Variants in DCP1B observed in about 807,000 individuals in gnomAD.
DCP1B encodes mRNA-decapping enzyme 1B.
Under a neutral mutation model 60.5 loss-of-function variants are expected in DCP1B, and 47 were observed. The observed-to-expected ratio is 0.78, with a 90% CI of 0.61 to 0.99. DCP1B has a LOEUF of 0.99. Among genes scored for constraint, DCP1B ranks in the 50% least tolerant of loss-of-function variants. The pLI is 0.00. For synonymous variants in DCP1B, 267 were observed against 280.3 expected, an observed-to-expected ratio of 0.95 and a Z score of 0.47; for missense variants, 725 against 756.8, an observed-to-expected ratio of 0.96 and a Z score of 0.49.
downstream of DCP1B, among the ~76,000 whole-genome samples, chr12:1,943,910 A>G (rs7298214): frequency 0.52 from 78,355 of 152,044 alleles, 20,508 homozygotes; most frequent in East Asian, 0.79. Flanking sequence ...CAATACTCCT[A>G]TTCAACATAG....
chr12:1,980,911 T>A (rs1184821638), intron 3 of DCP1B, among the ~76,000 whole-genome samples: 1 of 151,882 alleles, frequency 6.6e-6, no homozygotes, highest in African/African-American at 2.4e-5. Context: ...AATCACAATA[T>A]CTCAATAAGC....
intron 3 of DCP1B, among the ~76,000 whole-genome samples, chr12:1,987,260 T>C (rs1428566762): frequency 6.6e-6 from 1 of 152,208 alleles, no homozygotes; most frequent in Admixed American, 6.5e-5. Flanking sequence ...CTACATATGC[T>C]AGTGCTGTAT....
chr12:1,952,408 A>G lies in DCP1B; in HGVS notation c.1524+8T>C, dbSNP rs371611304. On this transcript the variant is annotated splice_region_variant and intron_variant, in intron 7 of 8. Coordinates refer to ENST00000280665, the MANE Select transcript of DCP1B (RefSeq NM_152640.5). ...GGCTGTTTTATTTTGCCCCTGGTAC[A>G]TATTTACCTGGAAAAGAGGAGTCTG... 108 of 1,557,614 alleles carry G rather than the reference A, an allele frequency of 6.9e-5. No homozygotes were observed. The highest frequency in any genetic ancestry group is 9.3e-5 in the Non-Finnish European group (107 of 1,150,528).
intron 3 of DCP1B, chr12:1,991,862 T>G (rs1381141222): frequency 6.3e-6 from 1 of 159,062 alleles, no homozygotes; most frequent in Non-Finnish European, 1.4e-5. Context: ...TACCTATAAC[T>G]GATCAGACCA....
intron 3 of DCP1B, among the ~76,000 whole-genome samples, chr12:1,979,559 G>A (rs1592982102): frequency 6.6e-6 from 1 of 152,214 alleles, no homozygotes; most frequent in Non-Finnish European, 1.5e-5. Flanking sequence ...TGATCCGCCC[G>A]CCTCAGCCTC....
chr12:1,993,159 TAGCCACTGATACCAAATGCAAAC>T, intron 3 of DCP1B, 82 bp downstream of exon 3: 1 of 1,467,110 alleles, frequency 6.8e-7, no homozygotes, highest in Non-Finnish European at 9.6e-7. Flanking sequence ...ACACCCCCCA[TAGCCACTGATACCAAATGCAAAC>T]ACAATGGCAA....
intron 5 of DCP1B, among the ~76,000 whole-genome samples, chr12:1,958,217 T>C (rs2030967119): frequency 7.0e-6 from 1 of 142,980 alleles, no homozygotes; most frequent in Non-Finnish European, 1.5e-5. Flanking sequence ...GCAATGACTT[T>C]TTCTATAAAC....
At chr12:1,982,712 A>G (rs1005288574) in intron 3 of DCP1B, among the ~76,000 whole-genome samples, 5 of 152,092 alleles carry the variant, frequency 3.3e-5, no homozygotes, top group African/African-American at 1.2e-4. Flanking sequence ...GGATTTTTAT[A>G]CCTATATTCA....
intron 1 of DCP1B, among the ~76,000 whole-genome samples, chr12:2,002,938 C>A (rs1233483708): frequency 6.6e-6 from 1 of 152,068 alleles, no homozygotes; most frequent in Non-Finnish European, 1.5e-5. Context: ...AAGTAGGTGA[C>A]AAATTCCCCT....
chr12:1,981,547 G>A (rs2036134994), intron 3 of DCP1B, among the ~76,000 whole-genome samples: 1 of 152,152 alleles, frequency 6.6e-6, no homozygotes, highest in Admixed American at 6.5e-5. Context: ...TTCTAGCTCA[G>A]ATTTAGCATG....
At chr12:1,974,496 C>T (rs112855968) in intron 3 of DCP1B, among the ~76,000 whole-genome samples, 4,136 of 152,268 alleles carry the variant, frequency 0.027, 94 homozygotes, top group Middle Eastern at 0.054. Flanking sequence ...TGTGTATTTA[C>T]TATTACAACT....
chr12:1,992,205 G>A (rs1178427447), intron 3 of DCP1B: 1 of 159,438 alleles, frequency 6.3e-6, no homozygotes, highest in Non-Finnish European at 1.4e-5. Flanking sequence ...CCTGCCATTA[G>A]TAAGTCATAT....
At chr12:1,947,788 T>C (rs1319744019) in intron 8 of DCP1B, among the ~76,000 whole-genome samples, 3 of 152,186 alleles carry the variant, frequency 2.0e-5, no homozygotes, top group Non-Finnish European at 4.4e-5. Context: ...CTGATTGTTA[T>C]TATGCTTCTG....
intron 5 of DCP1B, among the ~76,000 whole-genome samples, chr12:1,965,198 A>T (rs1231301492): frequency 6.6e-6 from 1 of 151,910 alleles, no homozygotes; most frequent in African/African-American, 2.4e-5. Flanking sequence ...GGTTTTGCCC[A>T]TTTCTCGTGA....
chr12:1,966,533 G>A (rs138602769), intron 4 of DCP1B, among the ~76,000 whole-genome samples: 43 of 152,306 alleles, frequency 2.8e-4, no homozygotes, highest in African/African-American at 1.0e-3. Flanking sequence ...TCTAACTGGG[G>A]AGGGGGTCGG....
At chr12:1,993,237 C>A (rs140441717) in intron 3 of DCP1B, 27 bp downstream of exon 3, 57,121 of 1,613,934 alleles carry the variant, frequency 0.035, 1,200 homozygotes, top group Middle Eastern at 0.075. Flanking sequence ...AGAAGTAAAA[C>A]AACCCACTGT....
At chr12:1,978,427 G>A (rs954507035) in intron 3 of DCP1B, among the ~76,000 whole-genome samples, 1 of 152,064 alleles carries the variant, frequency 6.6e-6, no homozygotes, top group Non-Finnish European at 1.5e-5. Flanking sequence ...CAGAAACACT[G>A]GTTAATAAAT....
chr12:1,991,359 A>C, intron 3 of DCP1B: 2 of 412,516 alleles, frequency 4.8e-6, no homozygotes, highest in Non-Finnish European at 9.7e-6. Flanking sequence ...ATGAAAAACA[A>C]ATTAAAATAG....
intron 6 of DCP1B, among the ~76,000 whole-genome samples, chr12:1,953,800 T>C (rs924241025): frequency 3.9e-5 from 6 of 152,246 alleles, no homozygotes; most frequent in African/African-American, 1.4e-4. Flanking sequence ...AAAAAGTCCT[T>C]GGATACATAA....
Sources: gnomAD v4.1 joint callset for allele counts (sites outside exome capture counted in the v4.1 genomes callset) on GRCh38, gnomAD v4.1.1 for gene constraint, MANE v1.5 for transcripts, NCBI Gene and HGNC (gene_info 2026-07-23, HGNC 2026-07-21) for gene names.